CNGA3: variants seen among roughly 807,000 people sequenced by gnomAD.
CNGA3 encodes the protein cyclic nucleotide gated channel subunit alpha 3, also known as cyclic nucleotide-gated channel alpha-3.
In CNGA3, 42 loss-of-function variants were observed where a neutral mutation model predicts 46.6. The ratio of observed to expected loss-of-function variants is 0.90; its 90% CI spans 0.70 to 1.17. CNGA3 has a LOEUF of 1.17. Among genes scored for constraint, CNGA3 ranks in the 50% most tolerant of loss-of-function variants. The pLI is 0.00. For synonymous variants in CNGA3, 394 were observed against 369.4 expected, an observed-to-expected ratio of 1.07 and a Z score of -0.76; for missense variants, 893 against 890.7, an observed-to-expected ratio of 1.00 and a Z score of -0.03.
chr2:98,351,737 T>C (rs1188238599), intron 1 of CNGA3, among the ~76,000 whole-genome samples: 2 of 152,208 alleles, frequency 1.3e-5, no homozygotes, highest in Non-Finnish European at 2.9e-5. Flanking sequence ...TCATTATTAT[T>C]AATGTCATAT....
At chr2:98,378,909 T>C (rs1410026434) in intron 3 of CNGA3, among the ~76,000 whole-genome samples, 1 of 152,244 alleles carries the variant, frequency 6.6e-6, no homozygotes, top group East Asian at 1.9e-4. Flanking sequence ...ATTCTGGCTC[T>C]CTCTGTTCCA....
rs142837782 is a variant in CNGA3, at chr2:98,380,312, A to G, written c.353A>G (p.Gln118Arg). 808 of 1,614,206 alleles carry G rather than the reference A, an allele frequency of 5.0e-4. 6 individuals carry two copies. In the African/African-American group the frequency reaches 9.2e-3, roughly 18 times the overall value. Residue 118 changes from glutamine (Q) to arginine (R), a missense_variant, in exon 4 of 8, where the codon CAG (glutamine) becomes CGG (arginine). Around this residue, in one of 3 missense-constraint regions of CNGA3, gnomAD observed 333 missense variants for 290.8 expected, o/e 1.15. Coordinates refer to ENST00000272602, the MANE Select transcript of CNGA3 (RefSeq NM_001298.3). ...GTGTCCAGCCAAGAAAGCAATGCCCAGGCAAATGTGGGCAGCCAGGAGCCA... is the reference window on the plus strand; with the variant it reads ...GTGTCCAGCCAAGAAAGCAATGCCCGGGCAAATGTGGGCAGCCAGGAGCCA... Reference protein sequence around the residue: ...KEVSSQESNAQANVGSQEPAD... With the variant: ...KEVSSQESNARANVGSQEPAD...
intron 7 of CNGA3, among the ~76,000 whole-genome samples, chr2:98,395,414 C>T (rs759392128): frequency 1.3e-5 from 2 of 152,210 alleles, no homozygotes; most frequent in African/African-American, 4.8e-5. Flanking sequence ...AGGTGATCCA[C>T]CCGCCTCGGC....
In CNGA3 at chr2:98,391,932, T is replaced by A; in HGVS notation, c.635T>A (p.Val212Asp). 6.2e-7 allele frequency: 1 copy of A among 1,614,118 alleles called. No individual in the cohort carries two copies. The highest frequency in any genetic ancestry group is 8.5e-7 in the Non-Finnish European group (1 of 1,179,996). Residue 212 changes from valine (V) to aspartate (D), a missense_variant, in exon 7 of 8, where the codon GTC (valine) becomes GAC (aspartate). Val to Asp is a radical substitution (Grantham distance 152). Around this residue, in one of 3 missense-constraint regions of CNGA3, gnomAD observed 333 missense variants for 290.8 expected, o/e 1.15. Transcript: ENST00000272602. ...LWLVLDYSADVLYVLDVLVRA... is the reference protein window; with the variant it reads ...LWLVLDYSADDLYVLDVLVRA... ...CTGGTCCTGGACTACTCGGCAGATG[T>A]CCTGTATGTCTTGGATGTGCTTGTA...
rs754340546 is a variant in CNGA3 at position 98,395,806 on chromosome 2, C to T, written c.674-38C>T. ...TTGTACTATGGTCAAAAAAAGTCAGCCTCTGTGATGCCCAATGACCTCCAT... is the reference window on the plus strand; with the variant it reads ...TTGTACTATGGTCAAAAAAAGTCAGTCTCTGTGATGCCCAATGACCTCCAT... On this transcript the variant is annotated intron_variant, in intron 7 of 7. Coordinates refer to ENST00000272602, the MANE Select transcript of CNGA3 (RefSeq NM_001298.3). The T allele has an allele frequency of 7.5e-6, 12 of 1,592,816 alleles. No individual in the cohort carries two copies. The African/African-American group carries it at 1.2e-4, about 16-fold the overall frequency.
chr2:98,383,432 C>G lies in CNGA3; in HGVS notation c.440C>G (p.Thr147Arg), dbSNP rs144099488. The G allele has an allele frequency of 5.7e-4, 917 of 1,614,084 alleles. No homozygotes were observed. The highest frequency in any genetic ancestry group is 7.4e-4 in the Non-Finnish European group (870 of 1,180,042). ...AKCNTNTSNN[T>R]EEEKKTKKKD... ...TGCAACACTAACACCAGCAACAACACGGAGGAGGAGTAAGTACCCACACAC... is the reference window on the plus strand; with the variant it reads ...TGCAACACTAACACCAGCAACAACAGGGAGGAGGAGTAAGTACCCACACAC... Residue 147 changes from threonine (T) to arginine (R), a missense_variant, in exon 5 of 8, where the codon ACG becomes AGG. Coordinates refer to ENST00000272602, the MANE Select transcript of CNGA3 (RefSeq NM_001298.3).
chr2:98,369,902 G>A (rs1300179075), intron 1 of CNGA3, 37 bp from the exon 2 acceptor site: 7 of 1,359,298 alleles, frequency 5.1e-6, no homozygotes, highest in Non-Finnish European at 7.3e-6. Context: ...TTACTTTCCT[G>A]TCCTGATGAC....
chr2:98,369,604 C>T (rs1020208794), intron 1 of CNGA3, among the ~76,000 whole-genome samples: 1 of 152,244 alleles, frequency 6.6e-6, no homozygotes, highest in African/African-American at 2.4e-5. Flanking sequence ...ACTGCATCAT[C>T]TCAAAGAATC....
At chr2:98,372,393 G>A (rs1453248626) in intron 2 of CNGA3, among the ~76,000 whole-genome samples, 1 of 152,220 alleles carries the variant, frequency 6.6e-6, no homozygotes, top group African/African-American at 2.4e-5. Context: ...ACACTGACAA[G>A]GGTCACAGCA....
intron 2 of CNGA3, among the ~76,000 whole-genome samples, chr2:98,375,535 G>A (rs544920627): frequency 5.9e-5 from 9 of 152,314 alleles, no homozygotes; most frequent in East Asian, 1.9e-4. Context: ...AATATGAAGC[G>A]GGCAAGGGAA....
At position 98,377,723 on chromosome 2, in the gene CNGA3, G is replaced by A; in HGVS notation, c.138G>A (p.Leu46=). The change falls in exon 3 of 8, where the codon CTG becomes CTA. Residue 46 remains leucine, a synonymous_variant. Transcript: ENST00000272602. ...CAAGTGAGGAGACATCGTCAGTGCTGCAGCCGGGGATCGCCATGGAGACCA... is the reference window on the plus strand; with the variant it reads ...CAAGTGAGGAGACATCGTCAGTGCTACAGCCGGGGATCGCCATGGAGACCA... ...HSSSEETSSV[L]QPGIAMETRG... is the part of the protein sequence containing the mutation. 1 of 1,613,486 alleles carries A rather than the reference G, an allele frequency of 6.2e-7. No homozygotes were observed. Among genetic ancestry groups the A allele is most frequent in the South Asian group, 1.1e-5 (1 of 90,988 alleles).
At chr2:98,355,562 G>T (rs1691861840) in intron 1 of CNGA3, among the ~76,000 whole-genome samples, 1 of 152,010 alleles carries the variant, frequency 6.6e-6, no homozygotes, top group South Asian at 2.1e-4. Context: ...TTTTTAAAAG[G>T]TATATTTAAA....
rs1379823197 is a variant in CNGA3, at chr2:98,391,907, C to T, written c.610C>T (p.Leu204=). 2.5e-6 allele frequency: 4 copies of T among 1,614,210 alleles called. No individual in the cohort carries two copies. The South Asian group carries it at 3.3e-5, about 13-fold the overall frequency. Reference sequence around the variant, plus strand: ...GCAGTCCGAGTACCTGATGCTGTGGCTGGTCCTGGACTACTCGGCAGATGT... The same window carrying T: ...GCAGTCCGAGTACCTGATGCTGTGGTTGGTCCTGGACTACTCGGCAGATGT... ...ELQSEYLMLW[L]VLDYSADVLY... is the part of the protein sequence containing the mutation. The change falls in exon 7 of 8, where the codon CTG becomes TTG. Residue 204 remains leucine, a synonymous_variant. Coordinates refer to ENST00000272602, the MANE Select transcript of CNGA3 (RefSeq NM_001298.3).
chr2:98,377,947 T>C, intron 3 of CNGA3, 147 bp downstream of exon 3: 2 of 1,349,890 alleles, frequency 1.5e-6, no homozygotes, highest in Non-Finnish European at 2.0e-6. Flanking sequence ...CTGAAAACTA[T>C]CAGTGAGTAA....
chr2:98,388,376 C>T (rs926896443), intron 5 of CNGA3, among the ~76,000 whole-genome samples: 3 of 152,228 alleles, frequency 2.0e-5, no homozygotes, highest in Non-Finnish European at 4.4e-5. Flanking sequence ...GCCATGGTCC[C>T]AGCAGGCCTG....
At chr2:98,375,004 A>G (rs1331093573) in intron 2 of CNGA3, among the ~76,000 whole-genome samples, 2 of 152,218 alleles carry the variant, frequency 1.3e-5, no homozygotes, top group African/African-American at 4.8e-5. Context: ...AGCCCACAGA[A>G]TACTCAGCCT....
intron 1 of CNGA3, among the ~76,000 whole-genome samples, chr2:98,366,742 A>G (rs557410618): frequency 1.3e-5 from 2 of 152,318 alleles, no homozygotes; most frequent in Non-Finnish European, 2.9e-5. Context: ...CGACTCCAGC[A>G]GGGGAAAATG....
intron 1 of CNGA3, among the ~76,000 whole-genome samples, chr2:98,351,763 C>T (rs1162289803): frequency 1.3e-5 from 2 of 152,106 alleles, no homozygotes; most frequent in African/African-American, 2.4e-5. Context: ...CATTTCTCCC[C>T]TTTATTATGT....
intron 1 of CNGA3, chr2:98,350,710 A>G (rs891217224): frequency 2.0e-5 from 3 of 152,122 alleles, no homozygotes; most frequent in South Asian, 4.1e-4. Flanking sequence ...GATCATCTTG[A>G]TCCAATTTCA....
Sources: gnomAD v4.1 joint callset for allele counts (sites outside exome capture counted in the v4.1 genomes callset) on GRCh38, gnomAD v4.1.1 for gene constraint, gnomAD v4.1.1 regional missense constraint, MANE v1.5 for transcripts, NCBI Gene and HGNC (gene_info 2026-07-23, HGNC 2026-07-21) for gene names.